THSD7B: variants seen among roughly 807,000 people sequenced by gnomAD.
The protein encoded by THSD7B is thrombospondin type 1 domain containing 7B.
A neutral mutation model predicts 213.6 loss-of-function variants in THSD7B; 138 were observed. The observed-to-expected ratio is 0.65, with a 90% CI of 0.56 to 0.74. The LOEUF (loss-of-function observed/expected upper bound fraction) is 0.74, where lower values mean the gene tolerates loss of function less well. THSD7B is among the 30% of genes least tolerant of loss of function. THSD7B has a pLI of 0.00. For synonymous variants in THSD7B, 742 were observed against 687.0 expected, an observed-to-expected ratio of 1.08 and a Z score of -1.25; for missense variants, 1,931 against 1,991.5, an observed-to-expected ratio of 0.97 and a Z score of 0.58.
At chr2:137,541,147 A>C (rs953447565) in intron 15 of THSD7B, among the ~76,000 whole-genome samples, 2 of 151,778 alleles carry the variant, frequency 1.3e-5, no homozygotes, top group African/African-American at 2.4e-5. Context: ...GACAAACAAC[A>C]TACATATCAT....
At chr2:137,555,742 T>A (rs375706242) in intron 15 of THSD7B, among the ~76,000 whole-genome samples, 2 of 152,148 alleles carry the variant, frequency 1.3e-5, no homozygotes, top group African/African-American at 4.8e-5. Flanking sequence ...ACTAAACTTC[T>A]CGGAGCTAAA....
chr2:137,317,301 C>G (rs530473071), intron 12 of THSD7B, among the ~76,000 whole-genome samples: 2 of 152,180 alleles, frequency 1.3e-5, no homozygotes, highest in Non-Finnish European at 2.9e-5. Flanking sequence ...GCTACATGCT[C>G]AAATAGTGTT....
rs993570771 is a variant in THSD7B, at chr2:137,614,302, T to C, written c.3424-1873T>C. On this transcript the variant is annotated intron_variant, in intron 17 of 27. Transcript: ENST00000409968. ...CCCATCCCCATTCTTCTTTCTCATC[T>C]AGGTTTAGATGCGGAACTAAGGTTT... Among the ~76,000 whole-genome samples the C allele has an allele frequency of 3.3e-5, 5 of 152,290 alleles. No homozygotes were observed. The East Asian group carries it at 9.6e-4, about 29-fold the overall frequency.
At chr2:137,315,741 G>A (rs1422277734) in intron 12 of THSD7B, among the ~76,000 whole-genome samples, 1 of 152,180 alleles carries the variant, frequency 6.6e-6, no homozygotes, top group Non-Finnish European at 1.5e-5. Flanking sequence ...TTGCAGTAGA[G>A]ATAGAGTGTT....
At chr2:136,767,172 C>T (rs574420136) in intron 1 of THSD7B, among the ~76,000 whole-genome samples, 95 of 152,276 alleles carry the variant, frequency 6.2e-4, no homozygotes, top group African/African-American at 2.2e-3. Context: ...ACTGTCTACT[C>T]AGCAGTTGGT....
intron 17 of THSD7B, among the ~76,000 whole-genome samples, chr2:137,599,436 A>T (rs1682033123): frequency 6.6e-6 from 1 of 151,984 alleles, no homozygotes; most frequent in Non-Finnish European, 1.5e-5. Context: ...CCACTATGAG[A>T]TATCATCTCA....
At chr2:137,364,935 C>T (rs1312681719) in intron 12 of THSD7B, among the ~76,000 whole-genome samples, 2 of 152,202 alleles carry the variant, frequency 1.3e-5, no homozygotes, top group Non-Finnish European at 2.9e-5. Context: ...ATTGCCAAGA[C>T]AATCCTAAGC....
intron 12 of THSD7B, among the ~76,000 whole-genome samples, chr2:137,375,214 TAAA>T (rs989075992): frequency 6.6e-6 from 1 of 152,110 alleles, no homozygotes; most frequent in Non-Finnish European, 1.5e-5. Context: ...GTTCCTGACT[TAAA>T]GAAGTTATAA....
rs768623175 is a variant in THSD7B at position 137,620,732 on chromosome 2, G to A, written c.3799+6G>A. The stretch of plus-strand genomic sequence containing the variant: ...ACAGACCTGTGGCCATGGAGGTATT[G>A]GTTTCCCCATATTTCCCACTAACTA... On this transcript the variant is annotated splice_donor_region_variant and intron_variant, in intron 20 of 27. Transcript: ENST00000409968. 2 of 1,607,328 alleles carry A rather than the reference G, an allele frequency of 1.2e-6. No homozygotes were observed. Among genetic ancestry groups the A allele is most frequent in the Non-Finnish European group, 8.5e-7 (1 of 1,174,772 alleles).
At chr2:137,205,325 C>T (rs1680962943) in intron 7 of THSD7B, among the ~76,000 whole-genome samples, 1 of 151,812 alleles carries the variant, frequency 6.6e-6, no homozygotes, top group African/African-American at 2.4e-5. Context: ...CCAGAGAATC[C>T]CAAAGATTCT....
At chr2:137,576,895 G>C (rs1233923218) in intron 17 of THSD7B, among the ~76,000 whole-genome samples, 13 of 151,542 alleles carry the variant, frequency 8.6e-5, no homozygotes. Flanking sequence ...CAGCACCTTG[G>C]CATCACCTGT....
At chr2:137,207,392 A>G (rs780516357) in intron 7 of THSD7B, among the ~76,000 whole-genome samples, 1 of 152,062 alleles carries the variant, frequency 6.6e-6, no homozygotes. Flanking sequence ...GCTGCCATGT[A>G]AAGGACGCAT....
chr2:137,167,609 T>G (rs1050066929), intron 6 of THSD7B, among the ~76,000 whole-genome samples: 9 of 152,166 alleles, frequency 5.9e-5, no homozygotes, highest in African/African-American at 2.2e-4. Context: ...TGACCCCTTT[T>G]CTGCCATCTG....
At chr2:136,855,519 AG>A (rs1451698901) in intron 1 of THSD7B, among the ~76,000 whole-genome samples, 1 of 151,984 alleles carries the variant, frequency 6.6e-6, no homozygotes, top group East Asian at 1.9e-4. Context: ...TCCACCTCCC[AG>A]GTTCAAGTGA....
intron 1 of THSD7B, among the ~76,000 whole-genome samples, chr2:136,818,018 A>T (rs1682504090): frequency 6.8e-6 from 1 of 146,368 alleles, no homozygotes; most frequent in South Asian, 2.2e-4. Context: ...AACTGGAAAT[A>T]CCATTTGACC....
chr2:136,792,578 T>C (rs550573294), intron 1 of THSD7B, among the ~76,000 whole-genome samples: 1 of 151,944 alleles, frequency 6.6e-6, no homozygotes, highest in East Asian at 1.9e-4. Flanking sequence ...CCACTGTGGG[T>C]GGAATGCTGG....
At chr2:137,214,658 C>CACTT (rs1460118127) in intron 7 of THSD7B, among the ~76,000 whole-genome samples, 1 of 151,924 alleles carries the variant, frequency 6.6e-6, no homozygotes, top group African/African-American at 2.4e-5. Flanking sequence ...GTTCAACTCC[C>CACTT]ACTTACGAGT....
chr2:137,584,011 T>G (rs1266905679), intron 17 of THSD7B, among the ~76,000 whole-genome samples: 1 of 148,176 alleles, frequency 6.7e-6, no homozygotes, highest in African/African-American at 2.5e-5. Flanking sequence ...TTGTTTATTT[T>G]GTTGAGCAGT....
chr2:137,391,043 C>A (rs1297491279), intron 12 of THSD7B, among the ~76,000 whole-genome samples: 1 of 151,716 alleles, frequency 6.6e-6, no homozygotes, highest in African/African-American at 2.4e-5. Context: ...AATATCAGTT[C>A]TTCATATGTT....
Sources: gnomAD v4.1 joint callset for allele counts (sites outside exome capture counted in the v4.1 genomes callset) on GRCh38, gnomAD v4.1.1 for gene constraint, MANE v1.5 for transcripts, NCBI Gene and HGNC (gene_info 2026-07-23, HGNC 2026-07-21) for gene names.